The following MMAA variants were observed in gnomAD, a reference collection of about 807,000 sequenced individuals.
MMAA encodes the protein methylmalonic aciduria type A protein, mitochondrial.
MMAA carries 41 observed loss-of-function variants against 45.0 expected under a neutral mutation model. The observed-to-expected ratio is 0.91, with a 90% CI of 0.71 to 1.18. The LOEUF (loss-of-function observed/expected upper bound fraction) is 1.18. Among genes scored for constraint, MMAA ranks in the 50% most tolerant of loss-of-function variants. MMAA has a pLI of 0.00. For missense variants in MMAA, 460 were observed against 495.7 expected (o/e 0.93, Z 0.68); for synonymous variants, 154 against 178.2 (o/e 0.86, Z 1.08).
intron 5 of MMAA, 97 bp downstream of exon 5, chr4:145,651,244 GT>G: frequency 9.8e-7 from 1 of 1,022,000 alleles, no homozygotes; most frequent in Non-Finnish European, 1.5e-6. Flanking sequence ...GTTGATAATG[GT>G]TTAGAAAATG....
At chr4:145,646,189 C>T (rs1231911324) in intron 4 of MMAA, 33 bp downstream of exon 4, 1 of 1,612,342 alleles carries the variant, frequency 6.2e-7, no homozygotes, top group Non-Finnish European at 8.5e-7. Flanking sequence ...TAACAATGTA[C>T]TATTTTATGA....
At chr4:145,639,736 G>C (rs1225401323) in intron 2 of MMAA, 158 bp downstream of exon 2, 4 of 985,018 alleles carry the variant, frequency 4.1e-6, no homozygotes, top group Non-Finnish European at 4.8e-6. Flanking sequence ...TATTAGTTTT[G>C]TTAAGTTGAA....
chr4:145,627,137 ATTG>A (rs1734219993), intron 1 of MMAA, among the ~76,000 whole-genome samples: 1 of 152,234 alleles, frequency 6.6e-6, no homozygotes, highest in South Asian at 2.1e-4. Context: ...TTGCAATTAA[ATTG>A]TTGTAAGAAA....
At chr4:145,649,436 T>C (rs1728030285) in intron 4 of MMAA, among the ~76,000 whole-genome samples, 1 of 152,336 alleles carries the variant, frequency 6.6e-6, no homozygotes, top group African/African-American at 2.4e-5. Flanking sequence ...AGTTTGCTCA[T>C]GGTTAAAAGA....
At chr4:145,623,598 T>C (rs1734132629) in intron 1 of MMAA, among the ~76,000 whole-genome samples, 1 of 152,226 alleles carries the variant, frequency 6.6e-6, no homozygotes. Flanking sequence ...TCCAAGATTA[T>C]TAATATATAT....
At chr4:145,620,501 G>GT (rs772535600) in intron 1 of MMAA, among the ~76,000 whole-genome samples, 2 of 152,132 alleles carry the variant, frequency 1.3e-5, no homozygotes, top group African/African-American at 2.4e-5. Context: ...GTATTTTTAC[G>GT]TATTTTTTCT....
At chr4:145,633,668 G>A (rs897428824) in intron 1 of MMAA, among the ~76,000 whole-genome samples, 1 of 152,140 alleles carries the variant, frequency 6.6e-6, no homozygotes, top group Non-Finnish European at 1.5e-5. Flanking sequence ...TCTGTATCTG[G>A]ACATTAAGGA....
chr4:145,657,668 A>G lies in MMAA; in HGVS notation c.*2234A>G, dbSNP rs1728272076. The G allele has an allele frequency of 1.3e-5, 2 of 152,238 alleles. No individual in the cohort carries two copies. The allele number at this position is 152,238 out of a possible 1,614,324, so 9.4% of individuals were successfully genotyped here. On this transcript the variant is annotated 3_prime_UTR_variant, in exon 7 of 7. Coordinates refer to ENST00000649156, the MANE Select transcript of MMAA (RefSeq NM_172250.3). ...GTAGGTGGTGGTGTAAATATTTTAC[A>G]TAGATACTTGTGACAGTTCTTTGTT...
rs2126633044 is a variant in MMAA at position 145,659,464 on chromosome 4, C to G, written c.*4030C>G. The G allele has an allele frequency of 6.6e-6, 1 of 152,174 alleles. No individual in the cohort carries two copies. Among genetic ancestry groups the G allele is most frequent in the African/African-American group, 2.4e-5 (1 of 41,526 alleles). The allele number at this position is 152,174 out of a possible 1,614,324, so 9.4% of individuals were successfully genotyped here. A position where few individuals can be genotyped will look rare whatever the true frequency, so the allele number is the denominator to read the frequency against. ...TGGGGCAGTTTATTTTGCTTAGACC[C>G]CTCAGCTTCTTGATAGAGTGAGGTG... On this transcript the variant is annotated 3_prime_UTR_variant, in exon 7 of 7. Coordinates refer to ENST00000649156, the MANE Select transcript of MMAA (RefSeq NM_172250.3).
chr4:145,629,006 A>G (rs1734264086), intron 1 of MMAA, among the ~76,000 whole-genome samples: 1 of 152,186 alleles, frequency 6.6e-6, no homozygotes. Flanking sequence ...TTTAAATGAC[A>G]TATAAACATC....
chr4:145,642,309 C>T (rs1303991557), intron 2 of MMAA, 54 bp from the exon 3 acceptor site: 25 of 1,599,150 alleles, frequency 1.6e-5, no homozygotes, highest in African/African-American at 2.7e-5. Flanking sequence ...TAAAACTGAT[C>T]GTAGTTCTGA....
chr4:145,625,611 G>A, intron 1 of MMAA: 8 of 832,596 alleles, frequency 9.6e-6, no homozygotes, highest in South Asian at 2.7e-5. Context: ...AGTTGTGTCA[G>A]CTTCAAAGAG....
At chr4:145,630,419 T>C (rs1484054978) in intron 1 of MMAA, among the ~76,000 whole-genome samples, 1 of 152,202 alleles carries the variant, frequency 6.6e-6, no homozygotes, top group East Asian at 1.9e-4. Context: ...TGCTCTTGAT[T>C]TTCTAGCTCT....
chr4:145,642,524 G>A, intron 3 of MMAA, 39 bp downstream of exon 3: 1 of 1,613,038 alleles, frequency 6.2e-7, no homozygotes, highest in East Asian at 2.2e-5. Flanking sequence ...CAGAGGTCTG[G>A]GGGCTTTCTG....
At chr4:145,632,761 C>A (rs2126612335) in intron 1 of MMAA, among the ~76,000 whole-genome samples, 1 of 144,892 alleles carries the variant, frequency 6.9e-6, no homozygotes, top group Non-Finnish European at 1.5e-5. Context: ...CTCACTAATT[C>A]TTTTTTTTTT....
intron 1 of MMAA, chr4:145,625,147 T>C: frequency 6.1e-6 from 8 of 1,301,656 alleles, no homozygotes; most frequent in Non-Finnish European, 8.9e-6. Context: ...CAGGAAGCTC[T>C]AGATCTTCAA....
rs1728321259 is a variant in MMAA at position 145,659,127 on chromosome 4, C to CG, written c.*3693_*3694insG. ...TTTAAAAGGAACAATCAGAAAAACT[C>CG]TTTAACAAATGTTTTTCTTTCCGTA... On this transcript the variant is annotated 3_prime_UTR_variant, in exon 7 of 7. Transcript: ENST00000649156. 6.6e-6 allele frequency: 1 copy of CG among 152,108 alleles called. No individual in the cohort carries two copies. The highest frequency in any genetic ancestry group is 2.4e-5 in the African/African-American group (1 of 41,420). 9.4% of individuals were successfully genotyped at this position (152,108 alleles called of 1,614,324 possible). A position where few individuals can be genotyped will look rare whatever the true frequency, so the allele number is the denominator to read the frequency against.
intron 4 of MMAA, 136 bp downstream of exon 4, chr4:145,646,292 A>C: frequency 1.0e-6 from 1 of 969,040 alleles, no homozygotes; most frequent in Non-Finnish European, 1.6e-6. Context: ...CATACTCCCT[A>C]GAAGATATGA....
In MMAA at chr4:145,639,355, G is replaced by A. The variant is rs1228207607; in HGVS notation, c.216G>A (p.Lys72=). Reference sequence around the variant, plus strand: ...AATTATGTGTACAAACAACCTTAAAGGACCACACAGAAGGACTTTCTGATA... The same window carrying A: ...AATTATGTGTACAAACAACCTTAAAAGACCACACAGAAGGACTTTCTGATA... ...KRKLCVQTTL[K]DHTEGLSDKE... The change falls in exon 2 of 7, where the codon AAG becomes AAA. Residue 72 remains lysine, a synonymous_variant. Coordinates refer to ENST00000649156, the MANE Select transcript of MMAA (RefSeq NM_172250.3). 1 of 1,614,058 alleles carries A rather than the reference G, an allele frequency of 6.2e-7. No individual in the cohort carries two copies. The highest frequency in any genetic ancestry group is 1.7e-5 in the Admixed American group (1 of 60,006).
Sources: allele counts gnomAD v4.1 joint callset (sites outside exome capture counted in the v4.1 genomes callset), GRCh38; gene constraint gnomAD v4.1.1; transcripts MANE v1.5; gene names NCBI Gene and HGNC (gene_info 2026-07-23, HGNC 2026-07-21).